The following MTAP variants were observed in gnomAD, a reference collection of about 807,000 sequenced individuals.
MTAP encodes S-methyl-5'-thioadenosine phosphorylase.
In MTAP, 33 loss-of-function variants were observed where a neutral mutation model predicts 33.6. That is an observed-to-expected ratio of 0.98 (90% CI 0.74 to 1.31). The LOEUF (loss-of-function observed/expected upper bound fraction) is 1.31, where lower values mean the gene tolerates loss of function less well. Ranked by LOEUF, MTAP falls within the 40% of genes most tolerant of loss-of-function variation. The pLI is 0.00. For synonymous variants in MTAP, 148 were observed against 125.7 expected (o/e 1.18, Z -1.19); for missense variants, 367 against 360.0 (o/e 1.02, Z -0.16).
downstream of MTAP, chr9:21,933,716 A>G (rs188317324): frequency 1.1e-3 from 165 of 152,288 alleles, no homozygotes; most frequent in African/African-American, 3.6e-3. Flanking sequence ...CTGTTTTTGT[A>G]TTATTGTACC....
chr9:21,858,119 T>G (rs796582921), intron 6 of MTAP, among the ~76,000 whole-genome samples: 54 of 152,312 alleles, frequency 3.5e-4, no homozygotes, highest in African/African-American at 1.1e-3. Flanking sequence ...ATGGTGGTAT[T>G]TTAATTCCAT....
At chr9:21,810,824 C>T (rs748763565) in intron 1 of MTAP, among the ~76,000 whole-genome samples, 1 of 152,138 alleles carries the variant, frequency 6.6e-6, no homozygotes, top group Non-Finnish European at 1.5e-5. Flanking sequence ...CAAGGGTGGC[C>T]TACAGAGGGG....
At chr9:21,867,786 G>T (rs1825877904), downstream of MTAP, among the ~76,000 whole-genome samples, 1 of 152,120 alleles carries the variant, frequency 6.6e-6, no homozygotes, top group Admixed American at 6.5e-5. Context: ...GGAACAGCAG[G>T]TTACATTTGA....
At chr9:21,926,715 G>A (rs1818875304) in intron 1 of MTAP, among the ~76,000 whole-genome samples, 1 of 152,114 alleles carries the variant, frequency 6.6e-6, no homozygotes, top group South Asian at 2.1e-4. Flanking sequence ...GATGACAGAT[G>A]ACCTGTTAAT....
At chr9:21,827,989 G>A (rs1431380606) in intron 4 of MTAP, among the ~76,000 whole-genome samples, 3 of 152,330 alleles carry the variant, frequency 2.0e-5, no homozygotes, top group Non-Finnish European at 4.4e-5. Context: ...TACTTAAACA[G>A]TATGACTATA....
downstream of MTAP, among the ~76,000 whole-genome samples, chr9:21,940,704 GA>G (rs1301029028): frequency 2.0e-5 from 3 of 149,580 alleles, no homozygotes; most frequent in Non-Finnish European, 3.0e-5. Context: ...CCAAGTGGAA[GA>G]GATTCATGGG....
intron 4 of MTAP, among the ~76,000 whole-genome samples, chr9:21,823,307 TG>T (rs1476429157): frequency 3.3e-5 from 5 of 152,202 alleles, no homozygotes; most frequent in African/African-American, 9.6e-5. Flanking sequence ...AGGGCAGGCA[TG>T]GTGGTGACAA....
At chr9:21,809,815 T>A (rs529418854) in intron 1 of MTAP, among the ~76,000 whole-genome samples, 1 of 152,298 alleles carries the variant, frequency 6.6e-6, no homozygotes, top group East Asian at 1.9e-4. Flanking sequence ...AATGTCCTAG[T>A]ATCCAGCAGC....
chr9:21,922,639 C>G lies in MTAP; in HGVS notation c.148-8369C>G, dbSNP rs1394745604. Among the ~76,000 whole-genome samples the G allele has an allele frequency of 1.3e-5, 2 of 152,118 alleles. No homozygotes were observed. Among genetic ancestry groups the G allele is most frequent in the East Asian group, 3.9e-4 (2 of 5,182 alleles). On this transcript the variant is annotated intron_variant, in intron 1 of 1. Coordinates refer to the MTAP transcript ENST00000577563. The surrounding 1 kb of genome is among the most constrained non-coding windows in gnomAD (Gnocchi z 4.8). Reference sequence around the variant, plus strand: ...GATACGTTCCCCAGTGGTAAGAAATCTCTATGCCTCTCCTTCTTTGGCTGG... The same window carrying G: ...GATACGTTCCCCAGTGGTAAGAAATGTCTATGCCTCTCCTTCTTTGGCTGG...
intron 1 of MTAP, among the ~76,000 whole-genome samples, chr9:21,872,263 A>T (rs961689318): frequency 2.6e-5 from 4 of 152,230 alleles, no homozygotes; most frequent in Non-Finnish European, 5.9e-5. Flanking sequence ...GGTTGCAGTG[A>T]GCCAAGATTG....
At chr9:21,876,499 G>A (rs1826010585) in intron 1 of MTAP, among the ~76,000 whole-genome samples, 3 of 151,856 alleles carry the variant, frequency 2.0e-5, no homozygotes, top group Non-Finnish European at 4.4e-5. Flanking sequence ...TTTATAGTTT[G>A]GAGTTATACA....
chr9:21,829,210 C>G (rs1383564772), intron 4 of MTAP, among the ~76,000 whole-genome samples: 1 of 152,102 alleles, frequency 6.6e-6, no homozygotes, highest in African/African-American at 2.4e-5. Flanking sequence ...TACCCACAGC[C>G]CCAACTTGTT....
chr9:21,863,581 C>A lies in MTAP; in HGVS notation c.*1567C>A. The A allele has an allele frequency of 1.1e-6, 1 of 909,752 alleles. No homozygotes were observed. The highest frequency in any genetic ancestry group is 1.3e-6 in the Non-Finnish European group (1 of 761,322). 56.4% of individuals were successfully genotyped at this position (909,752 alleles called of 1,614,324 possible). Reference sequence around the variant, plus strand: ...GAGCTTGCAGTGAGACGAGCTTGTGCCACTGCACTCCAGCCTGGGCAACAG... The same window carrying A: ...GAGCTTGCAGTGAGACGAGCTTGTGACACTGCACTCCAGCCTGGGCAACAG... On this transcript the variant is annotated 3_prime_UTR_variant, in exon 8 of 8. Transcript: ENST00000644715.
At position 21,837,913 on chromosome 9, in the gene MTAP, C is replaced by G. The variant is rs534749470; in HGVS notation, c.353C>G (p.Thr118Ser). 2 of 1,613,530 alleles carry G rather than the reference C, an allele frequency of 1.2e-6. No individual in the cohort carries two copies. Among genetic ancestry groups the G allele is most frequent in the South Asian group, 1.1e-5 (1 of 91,026 alleles). The part of the protein sequence containing the change: ...VIIDQFIDRT[T>S]MRPQSFYDGS... ...TTTTTTGCTTTATTTTGTAGGACCA[C>G]TATGAGACCTCAGTCCTTCTATGAT... The change falls in exon 5 of 8, where the codon ACT becomes AGT. Residue 118 changes from threonine to serine, a missense_variant. By Grantham distance (58) the Thr-to-Ser change is moderately conservative (BLOSUM62 1). Coordinates refer to ENST00000644715, the MANE Select transcript of MTAP (RefSeq NM_002451.4).
downstream of MTAP, chr9:21,936,193 T>G (rs1026005955): frequency 6.6e-6 from 1 of 152,222 alleles, no homozygotes; most frequent in Non-Finnish European, 1.5e-5. Context: ...TAAGTCAATG[T>G]ATTTGAATTT....
At chr9:21,936,073 A>G (rs531636907), downstream of MTAP, 2 of 152,286 alleles carry the variant, frequency 1.3e-5, no homozygotes, top group South Asian at 4.1e-4. Flanking sequence ...CCAAATAAAT[A>G]TGTTTTCTAC....
At chr9:21,886,760 A>G (rs1818117303) in intron 1 of MTAP, among the ~76,000 whole-genome samples, 1 of 152,022 alleles carries the variant, frequency 6.6e-6, no homozygotes, top group South Asian at 2.1e-4. Context: ...ATTGGACTTT[A>G]TTTCTGGATA....
chr9:21,895,037 G>A (rs1042801187), intron 1 of MTAP, among the ~76,000 whole-genome samples: 2 of 152,090 alleles, frequency 1.3e-5, no homozygotes, highest in Non-Finnish European at 2.9e-5. Flanking sequence ...TGATACAAAC[G>A]AGTGGAAAAA....
At chr9:21,816,335 T>A (rs1157529739) in intron 2 of MTAP, among the ~76,000 whole-genome samples, 1 of 152,222 alleles carries the variant, frequency 6.6e-6, no homozygotes, top group Non-Finnish European at 1.5e-5. Context: ...TGCTGAATTC[T>A]TAGTGTCATG....
Sources: gnomAD v4.1 joint callset for allele counts (sites outside exome capture counted in the v4.1 genomes callset) on GRCh38, gnomAD v4.1.1 for gene constraint, Gnocchi (gnomAD v3.1) non-coding constraint, MANE v1.5 for transcripts, NCBI Gene and HGNC (gene_info 2026-07-23, HGNC 2026-07-21) for gene names.